CNTN5: variants seen among roughly 807,000 people sequenced by gnomAD.
The protein encoded by CNTN5 is contactin-5.
In CNTN5, 77 loss-of-function variants were observed where a neutral mutation model predicts 129.1. That is an observed-to-expected ratio of 0.60 (90% confidence interval 0.50 to 0.72). CNTN5 has a LOEUF of 0.72. Among genes scored for constraint, CNTN5 ranks in the 30% least tolerant of loss-of-function variants. The pLI, the probability that CNTN5 is intolerant of heterozygous loss-of-function variation, is 0.00. For missense variants in CNTN5, 1,478 were observed against 1,328.8 expected, an observed-to-expected ratio of 1.11 and a Z score of -1.75; for synonymous variants, 509 against 465.6, an observed-to-expected ratio of 1.09 and a Z score of -1.20.
chr11:99,625,720 T>G (rs1179660033), intron 3 of CNTN5, among the ~76,000 whole-genome samples: 1 of 152,030 alleles, frequency 6.6e-6, no homozygotes, highest in Non-Finnish European at 1.5e-5. Flanking sequence ...ATCCCATCAC[T>G]TTTCTTCAGG....
At chr11:99,686,424 T>C (rs1190699023) in intron 3 of CNTN5, among the ~76,000 whole-genome samples, 3 of 152,146 alleles carry the variant, frequency 2.0e-5, no homozygotes, top group African/African-American at 7.2e-5. Flanking sequence ...TTTTATTTTC[T>C]ATATTAGTTC....
At chr11:99,421,790 G>T (rs1228653071) in intron 2 of CNTN5, among the ~76,000 whole-genome samples, 1 of 151,848 alleles carries the variant, frequency 6.6e-6, no homozygotes, top group Non-Finnish European at 1.5e-5. Context: ...TAAATGTTTT[G>T]GTTTCTCTGA....
intron 16 of CNTN5, among the ~76,000 whole-genome samples, chr11:100,234,792 T>TAAAAAAAAAA (rs781363668): frequency 1.9e-3 from 189 of 101,602 alleles, no homozygotes; most frequent in East Asian, 3.4e-3. Context: ...TCCCAGAATT[T>TAAAAAAAAAA]AAAAAAAAAA....
At chr11:99,602,736 C>T (rs908178929) in intron 3 of CNTN5, among the ~76,000 whole-genome samples, 39 of 151,374 alleles carry the variant, frequency 2.6e-4, no homozygotes, top group African/African-American at 7.0e-4. Flanking sequence ...TCTCCCAGCA[C>T]GCAGCTGGAG....
chr11:99,168,340 G>C (rs1010334164), intron 1 of CNTN5, among the ~76,000 whole-genome samples: 1 of 152,118 alleles, frequency 6.6e-6, no homozygotes, highest in Non-Finnish European at 1.5e-5. Flanking sequence ...GAGGCCGGGG[G>C]GGTGGGGGGA....
intron 20 of CNTN5, among the ~76,000 whole-genome samples, chr11:100,307,097 A>G (rs1022860556): frequency 6.6e-6 from 1 of 151,676 alleles, no homozygotes; most frequent in Non-Finnish European, 1.5e-5. Context: ...TCAATTAATA[A>G]TATATAAAAG....
At position 99,379,198 on chromosome 11, in the gene CNTN5, T is replaced by C. The variant is rs571741534; in HGVS notation, c.-71+53714T>C. Among the ~76,000 whole-genome samples the C allele has an allele frequency of 1.9e-4, 29 of 149,776 alleles. No homozygotes were observed. The East Asian group carries it at 3.5e-3, about 18-fold the overall frequency. ...TTTGTTTCTTTTTTTTTTTTTACTGTTGTATCACCAGTACCAAAAATAATA... is the reference window on the plus strand; with the variant it reads ...TTTGTTTCTTTTTTTTTTTTTACTGCTGTATCACCAGTACCAAAAATAATA... On this transcript the variant is annotated intron_variant, in intron 2 of 24. Coordinates refer to ENST00000524871, the MANE Select transcript of CNTN5 (RefSeq NM_014361.4).
At chr11:99,515,609 T>A (rs2135423204) in intron 2 of CNTN5, among the ~76,000 whole-genome samples, 1 of 152,162 alleles carries the variant, frequency 6.6e-6, no homozygotes, top group African/African-American at 2.4e-5. Context: ...GAACATATTT[T>A]AAAAATGTAA....
intron 3 of CNTN5, among the ~76,000 whole-genome samples, chr11:99,623,230 C>A (rs1951012863): frequency 6.6e-6 from 1 of 152,026 alleles, no homozygotes; most frequent in Non-Finnish European, 1.5e-5. Context: ...TAAAACCTCA[C>A]TAAAAATAAT....
intron 2 of CNTN5, among the ~76,000 whole-genome samples, chr11:99,539,851 C>T (rs1948037520): frequency 1.3e-5 from 2 of 152,140 alleles, no homozygotes; most frequent in Admixed American, 1.3e-4. Flanking sequence ...TTTTCCTCAT[C>T]TCTAGCCCCA....
At chr11:100,231,166 T>C (rs150038024) in intron 16 of CNTN5, among the ~76,000 whole-genome samples, 1 of 152,316 alleles carries the variant, frequency 6.6e-6, no homozygotes, top group East Asian at 1.9e-4. Context: ...TTAACTCTTA[T>C]GCTACAAGTG....
chr11:99,266,029 A>T (rs1270401310), intron 1 of CNTN5, among the ~76,000 whole-genome samples: 1 of 152,074 alleles, frequency 6.6e-6, no homozygotes, highest in East Asian at 1.9e-4. Flanking sequence ...AGAACAGAGG[A>T]TAAGTGATTA....
chr11:99,973,288 T>C (rs1328308341), intron 8 of CNTN5, among the ~76,000 whole-genome samples: 1 of 152,212 alleles, frequency 6.6e-6, no homozygotes, highest in Non-Finnish European at 1.5e-5. Context: ...GCAGTATTTC[T>C]GCAGTTGGTC....
intron 3 of CNTN5, among the ~76,000 whole-genome samples, chr11:99,771,425 A>G (rs975824819): frequency 2.0e-5 from 3 of 152,074 alleles, no homozygotes; most frequent in Non-Finnish European, 2.9e-5. Flanking sequence ...ACACATTTAC[A>G]TATATGTATA....
chr11:99,234,250 A>G (rs1378041077), intron 1 of CNTN5, among the ~76,000 whole-genome samples: 2 of 152,154 alleles, frequency 1.3e-5, no homozygotes, highest in Non-Finnish European at 2.9e-5. Context: ...GGCTGGGAAG[A>G]GTGTGTTGGA....
chr11:99,970,199 GA>G (rs1951211186), intron 8 of CNTN5, among the ~76,000 whole-genome samples: 1 of 152,040 alleles, frequency 6.6e-6, no homozygotes, highest in Non-Finnish European at 1.5e-5. Flanking sequence ...CAGTGGCTTT[GA>G]ACTCCTTCTT....
At chr11:99,498,958 C>T (rs1452021523) in intron 2 of CNTN5, among the ~76,000 whole-genome samples, 2 of 152,032 alleles carry the variant, frequency 1.3e-5, no homozygotes, top group Admixed American at 1.3e-4. Context: ...AGCAAAATTC[C>T]AGCGATGTCA....
chr11:100,151,257 ATGTATATG>A (rs1947044261), intron 13 of CNTN5, among the ~76,000 whole-genome samples: 1 of 152,152 alleles, frequency 6.6e-6, no homozygotes, highest in Non-Finnish European at 1.5e-5. Flanking sequence ...AGTTCATGGT[ATGTATATG>A]TGTATATGGT....
At chr11:100,174,538 C>T (rs1947907429) in intron 13 of CNTN5, among the ~76,000 whole-genome samples, 1 of 151,992 alleles carries the variant, frequency 6.6e-6, no homozygotes, top group African/African-American at 2.4e-5. Flanking sequence ...AAATGAGAAG[C>T]CAATTTGAGC....
Sources: allele counts gnomAD v4.1 joint callset (sites outside exome capture counted in the v4.1 genomes callset), GRCh38; gene constraint gnomAD v4.1.1; transcripts MANE v1.5; gene names NCBI Gene and HGNC (gene_info 2026-07-23, HGNC 2026-07-21).